TRPM1: variants seen among roughly 807,000 people sequenced by gnomAD.
TRPM1 encodes transient receptor potential cation channel subfamily M member 1.
Under a neutral mutation model 149.4 loss-of-function variants are expected in TRPM1, and 113 were observed. The observed-to-expected ratio is 0.76, with a 90% CI of 0.65 to 0.88. TRPM1 has a LOEUF of 0.88. Ranked by LOEUF, TRPM1 falls within the 40% of genes least tolerant of loss-of-function variation. TRPM1 has a pLI of 0.00. For synonymous variants in TRPM1, 741 were observed against 759.5 expected (o/e 0.98, Z 0.40); for missense variants, 1,976 against 2,038.7 (o/e 0.97, Z 0.59).
rs573874674 is a variant in TRPM1, at chr15:31,156,122, G to T, written c.54+4784C>A. On this transcript the variant is annotated intron_variant, in intron 1 of 26. Coordinates refer to the TRPM1 transcript ENST00000542188. The stretch of plus-strand genomic sequence containing the variant: ...TGAGGCACAAGAATCAGTTGAACCT[G>T]GGAGGCGGAGGTTGTAGTGAGTCGA... 4.6e-5 allele frequency among the ~76,000 whole-genome samples: 7 copies of T among 150,546 alleles called. No homozygotes were observed. The East Asian group carries it at 1.4e-3, about 30-fold the overall frequency.
intron 3 of TRPM1, among the ~76,000 whole-genome samples, chr15:31,075,252 G>C (rs534895122): frequency 6.3e-4 from 96 of 152,244 alleles, no homozygotes; most frequent in African/African-American, 2.2e-3. Context: ...GGTGATCTAT[G>C]CATTATTGAA....
At chr15:31,133,411 T>TAA (rs34691754) in intron 1 of TRPM1, among the ~76,000 whole-genome samples, 7,261 of 151,628 alleles carry the variant, frequency 0.048, 227 homozygotes, top group Middle Eastern at 0.071. Context: ...CTACCAAAAG[T>TAA]AAAAAAAATT....
chr15:31,067,362 G>A (rs2034407306), intron 5 of TRPM1, among the ~76,000 whole-genome samples, 175 bp from the exon 6 acceptor site: 1 of 152,154 alleles, frequency 6.6e-6, no homozygotes, highest in African/African-American at 2.4e-5. Flanking sequence ...ATGATAACGA[G>A]CAATCTTGCA....
intron 1 of TRPM1, among the ~76,000 whole-genome samples, chr15:31,128,505 A>G (rs1319084934): frequency 1.3e-5 from 2 of 152,008 alleles, no homozygotes; most frequent in East Asian, 3.9e-4. Context: ...GCCCAACACC[A>G]CCCCCAAGCC....
chr15:31,086,880 A>G (rs1029585703), intron 1 of TRPM1, among the ~76,000 whole-genome samples: 2 of 152,358 alleles, frequency 1.3e-5, no homozygotes, highest in South Asian at 2.1e-4. Context: ...TTACAACCCA[A>G]TAACAGCAAA....
rs116996723 is a variant in TRPM1, at chr15:31,113,604, G to A, written c.55-36620C>T. Among the ~76,000 whole-genome samples, 481 of 152,210 alleles carry A rather than the reference G, an allele frequency of 3.2e-3. 3 individuals carry two copies. Among genetic ancestry groups the A allele is most frequent in the Middle Eastern group, 6.8e-3 (2 of 294 alleles). ...ATACAACTGCAGGTTTGTTACACAA[G>A]TAAACTTGTGTCATAGCACTTTACT... On this transcript the variant is annotated intron_variant, in intron 1 of 26. Transcript: ENST00000542188.
At chr15:31,051,200 G>A (rs1362273847) in intron 11 of TRPM1, among the ~76,000 whole-genome samples, 1 of 152,206 alleles carries the variant, frequency 6.6e-6, no homozygotes, top group Non-Finnish European at 1.5e-5. Context: ...AGCAGAAGTA[G>A]GCCTGGCCCC....
At chr15:31,149,659 A>G (rs2036269662) in intron 1 of TRPM1, among the ~76,000 whole-genome samples, 1 of 151,724 alleles carries the variant, frequency 6.6e-6, no homozygotes, top group Non-Finnish European at 1.5e-5. Flanking sequence ...AGCTGGGACT[A>G]CAAGCACCCG....
At chr15:31,035,875 A>AGG in intron 20 of TRPM1, 1 of 680,196 alleles carries the variant, frequency 1.5e-6, no homozygotes, top group Admixed American at 2.2e-5. Context: ...TTTATACTTC[A>AGG]GCACGATATG....
chr15:31,144,062 G>A (rs1051171194), intron 1 of TRPM1, among the ~76,000 whole-genome samples: 1 of 152,152 alleles, frequency 6.6e-6, no homozygotes, highest in Non-Finnish European at 1.5e-5. Flanking sequence ...GTCATCGCAG[G>A]TGCAGGAATC....
In TRPM1 at chr15:31,046,199, C is replaced by A; in HGVS notation, c.1794+5G>T. 1 of 1,611,642 alleles carries A rather than the reference C, an allele frequency of 6.2e-7. No homozygotes were observed. The highest frequency in any genetic ancestry group is 1.1e-5 in the South Asian group (1 of 91,070). ...ATAAAACTGTTGAAAACAAGTTCTA[C>A]TTACTTCCATTCCCAGAAGTTTAAG... On this transcript the variant is annotated splice_donor_5th_base_variant and intron_variant, in intron 16 of 27. Transcript: ENST00000256552.
chr15:31,019,302 A>C (rs528758988), intron 27 of TRPM1, among the ~76,000 whole-genome samples: 2 of 152,360 alleles, frequency 1.3e-5, no homozygotes, highest in African/African-American at 4.8e-5. Flanking sequence ...AGTTATAGGA[A>C]GAACACCAGG....
rs559931514 is a variant in TRPM1 at position 31,144,366 on chromosome 15, G to A, written c.54+16540C>T. 7.1e-4 allele frequency among the ~76,000 whole-genome samples: 108 copies of A among 152,284 alleles called. 3 individuals are homozygous for A. In the South Asian group the frequency reaches 9.1e-3, roughly 13 times the overall value. On this transcript the variant is annotated intron_variant, in intron 1 of 26. Transcript: ENST00000542188. ...GTGGGAGGATCACTTGAGCTGGGGA[G>A]GTCAAGGCTGCAATGAGCCATGACC...
chr15:31,130,715 A>T (rs2141042764), intron 1 of TRPM1, among the ~76,000 whole-genome samples: 1 of 152,184 alleles, frequency 6.6e-6, no homozygotes, highest in African/African-American at 2.4e-5. Context: ...TGTGGCCCCC[A>T]CCCAGGAACT....
intron 1 of TRPM1, among the ~76,000 whole-genome samples, chr15:31,110,494 C>T (rs1005595990): frequency 6.6e-6 from 1 of 152,132 alleles, no homozygotes; most frequent in Admixed American, 6.5e-5. Context: ...ATATTTGGAA[C>T]GTGGGTCTTG....
rs200599545 is a variant in TRPM1, at chr15:31,063,104, G to A, written c.965+14C>T. 274 of 1,613,974 alleles carry A rather than the reference G, an allele frequency of 1.7e-4. No individual in the cohort carries two copies. Among genetic ancestry groups the A allele is most frequent in the Non-Finnish European group, 2.1e-4 (242 of 1,180,020 alleles). Reference sequence around the variant, plus strand: ...GTTACGAACCCGCCCTTCCTCGCGCGTCAGAAATCCTACCCGCCTTCTTCA... The same window carrying A: ...GTTACGAACCCGCCCTTCCTCGCGCATCAGAAATCCTACCCGCCTTCTTCA... On this transcript the variant is annotated intron_variant, in intron 8 of 27. Coordinates refer to ENST00000256552, the MANE Select transcript of TRPM1 (RefSeq NM_001252024.2).
At chr15:31,142,910 A>G (rs2036178597) in intron 1 of TRPM1, among the ~76,000 whole-genome samples, 1 of 152,236 alleles carries the variant, frequency 6.6e-6, no homozygotes, top group Non-Finnish European at 1.5e-5. Context: ...TGAGATTTCT[A>G]GAAATCTGAT....
At chr15:31,155,251 G>A (rs540127080) in intron 1 of TRPM1, among the ~76,000 whole-genome samples, 3 of 152,320 alleles carry the variant, frequency 2.0e-5, no homozygotes, top group Admixed American at 2.0e-4. Flanking sequence ...CCAGGGAGAG[G>A]TGAGAGCTGC....
At chr15:31,017,991 T>G (rs1011264519) in intron 27 of TRPM1, among the ~76,000 whole-genome samples, 1 of 152,218 alleles carries the variant, frequency 6.6e-6, no homozygotes, top group African/African-American at 2.4e-5. Context: ...TCTGGAGTTC[T>G]GTAGTAAGCC....
Sources: gnomAD v4.1 joint callset for allele counts (sites outside exome capture counted in the v4.1 genomes callset) on GRCh38, gnomAD v4.1.1 for gene constraint, MANE v1.5 for transcripts, NCBI Gene and HGNC (gene_info 2026-07-23, HGNC 2026-07-21) for gene names.